STK3: variants seen among roughly 807,000 people sequenced by gnomAD.
The protein encoded by STK3 is serine/threonine-protein kinase 3.
A neutral mutation model predicts 58.0 loss-of-function variants in STK3; 41 were observed. The ratio of observed to expected loss-of-function variants is 0.71; its 90% CI spans 0.55 to 0.92. The LOEUF (loss-of-function observed/expected upper bound fraction) is 0.92. STK3 is among the 40% of genes least tolerant of loss of function. The probability of loss-of-function intolerance (pLI) is 0.00; values close to 1 mark genes in which losing one functional copy is unlikely to be tolerated. For synonymous variants in STK3, 170 were observed against 191.0 expected (o/e 0.89, Z 0.91); for missense variants, 479 against 602.7 (o/e 0.79, Z 2.15).
In STK3 at chr8:98,741,277, A is replaced by C. The variant is rs1056450058; in HGVS notation, c.351+7999T>G. ...ACATCTACAGAACTCTCCACCCCAA[A>C]TCAACAGAATATACATTTTTTTCAG... is the stretch of plus-strand genomic sequence containing the variant. On this transcript the variant is annotated intron_variant, in intron 4 of 10. Coordinates refer to ENST00000419617, the MANE Select transcript of STK3 (RefSeq NM_006281.4). 2.6e-5 allele frequency among the ~76,000 whole-genome samples: 4 copies of C among 152,304 alleles called. No homozygotes were observed. The East Asian group carries it at 7.7e-4, about 29-fold the overall frequency.
intron 1 of STK3, among the ~76,000 whole-genome samples, chr8:98,814,350 AT>A (rs34675136): frequency 0.37 from 49,432 of 134,814 alleles, 8,696 homozygotes; most frequent in South Asian, 0.54. Context: ...CGCGCCCAGC[AT>A]TTTTTTTTTT....
chr8:98,588,717 C>T (rs1283423288), intron 7 of STK3, among the ~76,000 whole-genome samples: 1 of 151,054 alleles, frequency 6.6e-6, no homozygotes, highest in Non-Finnish European at 1.5e-5. Flanking sequence ...CCATTCTCCC[C>T]ATCACTTTCA....
At chr8:98,771,723 C>T (rs921661051) in intron 2 of STK3, among the ~76,000 whole-genome samples, 2 of 152,096 alleles carry the variant, frequency 1.3e-5, no homozygotes, top group African/African-American at 4.8e-5. Context: ...TGCCACCACG[C>T]CCGGCTAATT....
rs566376077 is a variant in STK3, at chr8:98,664,079, C to T, written c.684+42388G>A. On this transcript the variant is annotated intron_variant, in intron 6 of 10. Transcript: ENST00000419617. ...CCCAAAAAGTTATCAGCAGTATACT[C>T]TGCAAAGGAAAAGAAAACACACCAC... is the stretch of plus-strand genomic sequence containing the variant. 4.6e-4 allele frequency among the ~76,000 whole-genome samples: 70 copies of T among 152,208 alleles called. No individual in the cohort carries two copies. In the South Asian group the frequency reaches 6.8e-3, roughly 15 times the overall value.
chr8:98,530,271 C>A (rs1826072568), intron 9 of STK3, among the ~76,000 whole-genome samples: 1 of 152,124 alleles, frequency 6.6e-6, no homozygotes, highest in African/African-American at 2.4e-5. Context: ...ACGTATTAAG[C>A]CTAGTACCCA....
chr8:98,752,183 C>A (rs1830028273), intron 3 of STK3, among the ~76,000 whole-genome samples: 1 of 152,102 alleles, frequency 6.6e-6, no homozygotes, highest in Non-Finnish European at 1.5e-5. Context: ...CATCACACTA[C>A]CCGACTTCAA....
chr8:98,455,878 C>T lies in STK3; in HGVS notation c.1440G>A (p.Ala480=), dbSNP rs962731484. The T allele has an allele frequency of 9.9e-6, 16 of 1,613,606 alleles. No individual in the cohort carries two copies. Among genetic ancestry groups the T allele is most frequent in the African/African-American group, 6.7e-5 (5 of 74,916 alleles). ...GCTGCCTTCTTTTCTTTGCATCCATCGCATCCAGAATGGGCTGTCTTTTCG... is the reference window on the plus strand; with the variant it reads ...GCTGCCTTCTTTTCTTTGCATCCATTGCATCCAGAATGGGCTGTCTTTTCG... ...YTAKRQPILD[A]MDAKKRRQQN... is the part of the protein sequence containing the mutation. Residue 480 remains alanine, a synonymous_variant, in exon 11 of 11, where the codon GCG becomes GCA. Transcript: ENST00000419617.
chr8:98,656,259 C>G (rs1361894207), intron 6 of STK3, among the ~76,000 whole-genome samples: 3 of 151,892 alleles, frequency 2.0e-5, no homozygotes, highest in Non-Finnish European at 4.4e-5. Context: ...ACTGCATGTT[C>G]TCACTCATAG....
At chr8:98,590,683 C>A (rs1487013313) in intron 7 of STK3, among the ~76,000 whole-genome samples, 2 of 152,168 alleles carry the variant, frequency 1.3e-5, no homozygotes, top group Non-Finnish European at 2.9e-5. Flanking sequence ...AACCCAAATT[C>A]TTTTAAGTAT....
chr8:98,522,974 T>C (rs1383711859), intron 10 of STK3, among the ~76,000 whole-genome samples: 1 of 152,242 alleles, frequency 6.6e-6, no homozygotes, highest in Non-Finnish European at 1.5e-5. Context: ...TTCTACCTTT[T>C]TGTCATTGTG....
intron 8 of STK3, among the ~76,000 whole-genome samples, chr8:98,560,235 A>G (rs1811902807): frequency 6.6e-6 from 1 of 152,150 alleles, no homozygotes; most frequent in Non-Finnish European, 1.5e-5. Flanking sequence ...TAGTTAGTAC[A>G]ATAAGAAAAA....
chr8:98,703,527 G>A (rs1458849293), intron 6 of STK3, among the ~76,000 whole-genome samples: 1 of 152,086 alleles, frequency 6.6e-6, no homozygotes, highest in Non-Finnish European at 1.5e-5. Flanking sequence ...GATTTAATCT[G>A]TTTAGGGTAG....
chr8:98,890,997 C>T (rs570202189), intron 1 of STK3, among the ~76,000 whole-genome samples: 3 of 152,310 alleles, frequency 2.0e-5, no homozygotes, highest in South Asian at 4.1e-4. Context: ...TCATGATGTC[C>T]GACTTACAAA....
chr8:98,820,456 GC>G (rs1834817207), intron 1 of STK3, among the ~76,000 whole-genome samples: 1 of 152,142 alleles, frequency 6.6e-6, no homozygotes, highest in Non-Finnish European at 1.5e-5. Context: ...TGAGGAACAA[GC>G]CTATCTGGTA....
intron 1 of STK3, among the ~76,000 whole-genome samples, chr8:98,785,071 C>T (rs1332278735): frequency 6.6e-6 from 1 of 152,226 alleles, no homozygotes; most frequent in African/African-American, 2.4e-5. Flanking sequence ...GGCCCTTCCA[C>T]TCCATTGCCC....
chr8:98,589,377 CCT>C (rs1030259528), intron 7 of STK3, among the ~76,000 whole-genome samples: 17 of 152,294 alleles, frequency 1.1e-4, no homozygotes, highest in African/African-American at 4.1e-4. Context: ...TCAGTGTGCC[CCT>C]GTTGGAGGGT....
chr8:98,464,666 T>C (rs943791152), intron 10 of STK3, among the ~76,000 whole-genome samples: 1 of 151,862 alleles, frequency 6.6e-6, no homozygotes, highest in Non-Finnish European at 1.5e-5. Context: ...AGGAGCATTC[T>C]AGTCAATCCA....
intron 1 of STK3, among the ~76,000 whole-genome samples, chr8:98,777,073 T>C (rs1033751331): frequency 2.0e-5 from 3 of 151,462 alleles, no homozygotes; most frequent in African/African-American, 4.8e-5. Context: ...TAATTAAAAA[T>C]TTTAAAAATA....
chr8:98,593,966 T>C (rs1815569425), intron 7 of STK3, among the ~76,000 whole-genome samples: 1 of 152,096 alleles, frequency 6.6e-6, no homozygotes, highest in Non-Finnish European at 1.5e-5. Flanking sequence ...GTACAAGTAC[T>C]GGATACTAGG....
Sources: allele counts gnomAD v4.1 joint callset (sites outside exome capture counted in the v4.1 genomes callset), GRCh38; gene constraint gnomAD v4.1.1; transcripts MANE v1.5; gene names NCBI Gene and HGNC (gene_info 2026-07-23, HGNC 2026-07-21).